C1orf21: variants seen among roughly 807,000 people sequenced by gnomAD.
The protein encoded by C1orf21 is chromosome 1 open reading frame 21, also known as uncharacterized protein C1orf21.
A neutral mutation model predicts 18.7 loss-of-function variants in C1orf21; 3 were observed. The ratio of observed to expected loss-of-function variants is 0.16; its 90% CI spans 0.07 to 0.42. C1orf21 has a LOEUF of 0.42. C1orf21 is among the 10% of genes least tolerant of loss of function. C1orf21 has a pLI of 0.99. For synonymous variants in C1orf21, 41 were observed against 46.4 expected (o/e 0.88, Z 0.47); for missense variants, 104 against 143.6 (o/e 0.72, Z 1.41).
chr1:184,524,344 G>A (rs1005383175), intron 3 of C1orf21, among the ~76,000 whole-genome samples: 5 of 151,998 alleles, frequency 3.3e-5, no homozygotes, highest in Admixed American at 2.0e-4. Flanking sequence ...CTATTCTTAC[G>A]TATGAATATA....
At chr1:184,394,074 C>T (rs2101953680) in intron 1 of C1orf21, among the ~76,000 whole-genome samples, 1 of 152,286 alleles carries the variant, frequency 6.6e-6, no homozygotes, top group East Asian at 1.9e-4. Context: ...AAACTGAGCA[C>T]TACTACTGGA....
chr1:184,410,663 A>ATATATAT (rs67546366), intron 1 of C1orf21, among the ~76,000 whole-genome samples: 5 of 7,674 alleles, frequency 6.5e-4, no homozygotes, highest in East Asian at 6.0e-3. Flanking sequence ...ATATATATAT[A>ATATATAT]TTTTTTTTTT....
intron 2 of C1orf21, among the ~76,000 whole-genome samples, chr1:184,492,997 G>C (rs1417011872): frequency 1.3e-5 from 2 of 152,202 alleles, no homozygotes; most frequent in Non-Finnish European, 2.9e-5. Context: ...GCTGTACTCT[G>C]TTGGTCCAGC....
intron 1 of C1orf21, among the ~76,000 whole-genome samples, chr1:184,394,508 T>A (rs1157748351): frequency 6.6e-6 from 1 of 152,156 alleles, no homozygotes; most frequent in East Asian, 1.9e-4. Context: ...TGCATGCATA[T>A]CATAGCCATT....
Position 184,477,362 on chromosome 1 carries a change from TAATCTAGC to T in C1orf21, c.-124-23_-124-16del, listed in dbSNP as rs1178689598. 1.1e-5 allele frequency: 7 copies of T among 625,100 alleles called. No homozygotes were observed. 38.7% of individuals were successfully genotyped at this position (625,100 alleles called of 1,614,324 possible). ...GTTTTGCTGCAGTCACTGCCCATTC[TAATCTAGC>T]TTTCTTTTCTTGCAGGTGCACACAT... is the stretch of plus-strand genomic sequence containing the variant. On this transcript the variant is annotated splice_polypyrimidine_tract_variant and intron_variant, in intron 1 of 5. Coordinates refer to ENST00000235307, the MANE Select transcript of C1orf21 (RefSeq NM_030806.4).
At chr1:184,441,537 G>T (rs757936042) in intron 1 of C1orf21, among the ~76,000 whole-genome samples, 1 of 152,204 alleles carries the variant, frequency 6.6e-6, no homozygotes, top group African/African-American at 2.4e-5. Flanking sequence ...CAGTAGGAAT[G>T]TTGAGTGATT....
intron 1 of C1orf21, among the ~76,000 whole-genome samples, chr1:184,450,987 C>G (rs1475686032): frequency 1.3e-5 from 2 of 152,232 alleles, no homozygotes; most frequent in African/African-American, 4.8e-5. Context: ...AAGCGATTCT[C>G]CAACCTTAGC....
chr1:184,401,436 T>C (rs957450330), intron 1 of C1orf21, among the ~76,000 whole-genome samples: 1 of 152,096 alleles, frequency 6.6e-6, no homozygotes, highest in Non-Finnish European at 1.5e-5. Context: ...GCCAGCCTGG[T>C]CTGGAACTCC....
At chr1:184,407,578 G>A (rs368053856) in intron 1 of C1orf21, among the ~76,000 whole-genome samples, 2 of 152,094 alleles carry the variant, frequency 1.3e-5, no homozygotes, top group African/African-American at 4.8e-5. Context: ...GTGCTCATGA[G>A]TCCAGAAATC....
At chr1:184,405,784 G>A (rs1011381154) in intron 1 of C1orf21, among the ~76,000 whole-genome samples, 2 of 152,152 alleles carry the variant, frequency 1.3e-5, no homozygotes, top group African/African-American at 4.8e-5. Context: ...AGTTCCTAAA[G>A]TTATTCAGTC....
At chr1:184,583,712 A>C (rs190483405) in intron 3 of C1orf21, among the ~76,000 whole-genome samples, 1 of 152,158 alleles carries the variant, frequency 6.6e-6, no homozygotes, top group African/African-American at 2.4e-5. Flanking sequence ...CCTACTTGAG[A>C]TGTCTTGAGT....
At chr1:184,500,230 G>A (rs764680326) in intron 2 of C1orf21, among the ~76,000 whole-genome samples, 5 of 152,078 alleles carry the variant, frequency 3.3e-5, no homozygotes, top group Admixed American at 1.3e-4. Flanking sequence ...GTCTTTTGTC[G>A]GAGCTTGTCA....
rs1327189618 is a variant in C1orf21, at chr1:184,617,911, T to G, written c.328-1607T>G. Among the ~76,000 whole-genome samples the G allele has an allele frequency of 4.7e-3, 678 of 143,130 alleles. 9 individuals carry two copies. The highest frequency in any genetic ancestry group is 0.017 in the African/African-American group (628 of 37,380). The allele number at this position is 143,130 out of a possible 152,430, so 93.9% of individuals were successfully genotyped here. A position where few individuals can be genotyped will look rare whatever the true frequency, so the allele number is the denominator to read the frequency against. Reference sequence around the variant, plus strand: ...TGGCAGTTTGTTGTTGTTGTTTTTTTTTTTTTTTTTTTTTTTGAGATAGAG... The same window carrying G: ...TGGCAGTTTGTTGTTGTTGTTTTTTGTTTTTTTTTTTTTTTTGAGATAGAG... On this transcript the variant is annotated intron_variant, in intron 5 of 5. Transcript: ENST00000235307.
chr1:184,592,098 C>T (rs1014941042), intron 4 of C1orf21: 6 of 152,074 alleles, frequency 3.9e-5, no homozygotes, highest in African/African-American at 1.4e-4. Flanking sequence ...TTAGTTATTT[C>T]TGACCAAATG....
At chr1:184,431,745 T>C (rs1656768858) in intron 1 of C1orf21, among the ~76,000 whole-genome samples, 1 of 152,050 alleles carries the variant, frequency 6.6e-6, no homozygotes, top group African/African-American at 2.4e-5. Flanking sequence ...ATATCCAGAA[T>C]GTACAGGGAA....
chr1:184,511,523 TGA>T (rs1442461626), intron 3 of C1orf21, among the ~76,000 whole-genome samples: 1 of 152,192 alleles, frequency 6.6e-6, no homozygotes, highest in South Asian at 2.1e-4. Flanking sequence ...CAGCATTGCT[TGA>T]GACATGTCAG....
chr1:184,552,867 AAAAC>A (rs1424873433), intron 3 of C1orf21, among the ~76,000 whole-genome samples: 3 of 152,246 alleles, frequency 2.0e-5, no homozygotes, highest in African/African-American at 7.2e-5. Flanking sequence ...GGTTATAAGA[AAAAC>A]AACAGCAACA....
chr1:184,507,058 G>C (rs187868279), intron 2 of C1orf21, among the ~76,000 whole-genome samples: 1 of 151,282 alleles, frequency 6.6e-6, no homozygotes, highest in Non-Finnish European at 1.5e-5. Flanking sequence ...TTTAATATAG[G>C]GATCACAGAA....
At chr1:184,499,233 C>T (rs1261924463) in intron 2 of C1orf21, among the ~76,000 whole-genome samples, 1 of 152,080 alleles carries the variant, frequency 6.6e-6, no homozygotes, top group African/African-American at 2.4e-5. Flanking sequence ...GGCCTTAATG[C>T]TAAGAATATA....
Sources: gnomAD v4.1 joint callset for allele counts (sites outside exome capture counted in the v4.1 genomes callset) on GRCh38, gnomAD v4.1.1 for gene constraint, MANE v1.5 for transcripts, NCBI Gene and HGNC (gene_info 2026-07-23, HGNC 2026-07-21) for gene names.